Variants in TESPA1 observed in about 807,000 individuals in gnomAD.
TESPA1 encodes thymocyte expressed, positive selection associated 1.
TESPA1 carries 33 observed loss-of-function variants against 57.9 expected under a neutral mutation model. The observed-to-expected ratio is 0.57, with a 90% CI of 0.43 to 0.76. The LOEUF is 0.76. TESPA1 is among the 30% of genes least tolerant of loss of function. The probability of loss-of-function intolerance (pLI) is 0.00; values close to 1 mark genes in which losing one functional copy is unlikely to be tolerated. For synonymous variants in TESPA1, 227 were observed against 228.9 expected, an observed-to-expected ratio of 0.99 and a Z score of 0.07; for missense variants, 618 against 632.9, an observed-to-expected ratio of 0.98 and a Z score of 0.25.
upstream of TESPA1, among the ~76,000 whole-genome samples, chr12:54,984,948 T>C (rs1438035544): frequency 6.6e-6 from 1 of 152,170 alleles, no homozygotes; most frequent in East Asian, 1.9e-4. Context: ...CAGGAGATCT[T>C]TTCCTATTAA....
Position 54,962,742 on chromosome 12 carries a change from G to T in TESPA1, c.1156C>A (p.Pro386Thr). 5 of 1,613,892 alleles carry T rather than the reference G, an allele frequency of 3.1e-6. No homozygotes were observed. The highest frequency in any genetic ancestry group is 4.2e-6 in the Non-Finnish European group (5 of 1,179,874). Residue 386 changes from proline (P) to threonine (T), a missense_variant, in exon 9 of 11, where the codon CCC (proline) becomes ACC (threonine). Transcript: ENST00000449076. ...LAPSQTLDSN[P>T]KVPCCTHSLP... The stretch of plus-strand genomic sequence containing the variant: ...GAATGTGTGCAACAGGGTACCTTGG[G>T]GTTCGAATCCAGAGTTTGGGATGGT...
intron 1 of TESPA1, chr12:54,984,258 G>A (rs1952419455): frequency 6.6e-6 from 1 of 152,090 alleles, no homozygotes. Flanking sequence ...GCAAGACACA[G>A]AGAAGAACTT....
At chr12:54,954,328 GAAATCACA>G (rs544545279) in intron 10 of TESPA1, among the ~76,000 whole-genome samples, 161 of 152,320 alleles carry the variant, frequency 1.1e-3, no homozygotes, top group Admixed American at 8.9e-3. Flanking sequence ...TCAGGTAAAT[GAAATCACA>G]AAATGCAAAA....
chr12:54,969,738 T>C (rs1390990916), intron 3 of TESPA1, among the ~76,000 whole-genome samples: 1 of 152,194 alleles, frequency 6.6e-6, no homozygotes, highest in African/African-American at 2.4e-5. Context: ...TATGACTCTA[T>C]TTCTATAAAG....
intron 1 of TESPA1, among the ~76,000 whole-genome samples, chr12:54,981,115 T>C (rs1210942853): frequency 6.6e-6 from 1 of 152,164 alleles, no homozygotes; most frequent in Non-Finnish European, 1.5e-5. Context: ...AAATAGATAC[T>C]GTGCCAAACT....
In TESPA1 at chr12:54,983,060, T is replaced by A. The variant is rs561816948; in HGVS notation, c.-46+1525A>T. ...CAGGTGGAAATAAACGTGTGATCTTTTCCCCTTACTGTAGCCCAGAAGGAA... is the reference window on the plus strand; with the variant it reads ...CAGGTGGAAATAAACGTGTGATCTTATCCCCTTACTGTAGCCCAGAAGGAA... On this transcript the variant is annotated intron_variant, in intron 1 of 10. Coordinates refer to ENST00000449076, the MANE Select transcript of TESPA1 (RefSeq NM_001136030.3). Among the ~76,000 whole-genome samples the A allele has an allele frequency of 4.6e-5, 7 of 152,318 alleles. No homozygotes were observed. In the East Asian group the frequency reaches 1.4e-3, roughly 29 times the overall value.
intron 2 of TESPA1, 40 bp downstream of exon 2, chr12:54,974,360 G>T (rs200765870): frequency 5.3e-6 from 8 of 1,518,570 alleles, no homozygotes; most frequent in Middle Eastern, 3.5e-4. Context: ...ACCTTTTGCC[G>T]CCAGACAACA....
At chr12:54,980,091 A>G (rs531115779) in intron 1 of TESPA1, among the ~76,000 whole-genome samples, 1 of 152,276 alleles carries the variant, frequency 6.6e-6, no homozygotes, top group East Asian at 1.9e-4. Context: ...TTCCACTGAC[A>G]TTAGAATAAG....
In TESPA1 at chr12:54,949,931, GC is replaced by G. The variant is rs2135993838; in HGVS notation, c.*460del. 5.5e-6 allele frequency: 1 copy of G among 180,988 alleles called. No homozygotes were observed. The highest frequency in any genetic ancestry group is 1.6e-4 in the East Asian group (1 of 6,200). 11.2% of individuals were successfully genotyped at this position (180,988 alleles called of 1,614,324 possible). A position where few individuals can be genotyped will look rare whatever the true frequency, so the allele number is the denominator to read the frequency against. On this transcript the variant is annotated 3_prime_UTR_variant, in exon 11 of 11. Coordinates refer to ENST00000449076, the MANE Select transcript of TESPA1 (RefSeq NM_001136030.3). ...GTGTGAGATGTACCATGCTTTTAGA[GC>G]CAGAAAGTGAGGTGTCCTTCCTCTC... is the stretch of plus-strand genomic sequence containing the variant.
chr12:54,976,420 C>T (rs922944598), intron 1 of TESPA1, among the ~76,000 whole-genome samples: 11 of 152,124 alleles, frequency 7.2e-5, no homozygotes, highest in Non-Finnish European at 1.5e-4. Context: ...ATGGACCTCC[C>T]CTAGATCACT....
rs4758993 is a variant in TESPA1 at position 54,974,461 on chromosome 12, G to A, written c.102C>T (p.Ala34=). 0.24 allele frequency: 392,452 copies of A among 1,607,252 alleles called. 59,339 individuals are homozygous for A. The highest frequency in any genetic ancestry group is 0.71 in the East Asian group (31,768 of 44,602). Residue 34 remains alanine (A), a synonymous_variant, in exon 2 of 11, where the codon GCC becomes GCT. Transcript: ENST00000449076. ...GATCTGGGACATCCTGCAGGGCGGC[G>A]GCAGCCTCCTCTTCTAGGACCTGGG... The part of the protein sequence containing the change: ...WQTQVLEEEA[A]AALQDVPDPE...
rs182227711 is a variant in TESPA1 at position 54,984,114 on chromosome 12, T to G, written c.-46+471A>C. 4.5e-4 allele frequency: 69 copies of G among 152,316 alleles called. 1 individual carries two copies. The highest frequency in any genetic ancestry group is 1.6e-3 in the African/African-American group (66 of 41,568). 9.4% of individuals were successfully genotyped at this position (152,316 alleles called of 1,614,324 possible). A position where few individuals can be genotyped will look rare whatever the true frequency, so the allele number is the denominator to read the frequency against. On this transcript the variant is annotated intron_variant, in intron 1 of 10. Transcript: ENST00000449076. ...AGGTCATACCCACAGAAAGCAAAGTTGATTTCAGCCAGGTACTCTCAATGG... is the reference window on the plus strand; with the variant it reads ...AGGTCATACCCACAGAAAGCAAAGTGGATTTCAGCCAGGTACTCTCAATGG...
At position 54,962,576 on chromosome 12, in the gene TESPA1, C is replaced by A; in HGVS notation, c.1322G>T (p.Ser441Ile). Residue 441 changes from serine (S) to isoleucine (I), a missense_variant, in exon 9 of 11, where the codon AGC becomes ATC. This residue lies in a region of TESPA1 where 409 missense variants were observed against 420.1 expected (regional missense o/e 0.97). Coordinates refer to ENST00000449076, the MANE Select transcript of TESPA1 (RefSeq NM_001136030.3). Reference sequence around the variant, plus strand: ...GCCCATGAGATTCTTCTGGAAGAGGCTCTTTCTTGCTCTGCTCTTTCTTTT... The same window carrying A: ...GCCCATGAGATTCTTCTGGAAGAGGATCTTTCTTGCTCTGCTCTTTCTTTT... Reference protein sequence around the residue: ...FWKRKSRARKSLFQKNLMGRK... With the variant: ...FWKRKSRARKILFQKNLMGRK... 6.2e-7 allele frequency: 1 copy of A among 1,613,956 alleles called. No individual in the cohort carries two copies. The highest frequency in any genetic ancestry group is 1.1e-5 in the South Asian group (1 of 91,064).
intron 10 of TESPA1, among the ~76,000 whole-genome samples, chr12:54,951,032 A>G (rs1950353948): frequency 6.6e-6 from 1 of 151,906 alleles, no homozygotes; most frequent in Non-Finnish European, 1.5e-5. Context: ...CTTGAATCTC[A>G]TCTCATCCCA....
chr12:54,956,738 G>T (rs1037095524), intron 10 of TESPA1, among the ~76,000 whole-genome samples: 4 of 152,164 alleles, frequency 2.6e-5, no homozygotes, highest in East Asian at 3.9e-4. Flanking sequence ...TTAAAGAAAA[G>T]AAATTTATTT....
chr12:54,979,304 G>A (rs1952232909), intron 1 of TESPA1, among the ~76,000 whole-genome samples: 1 of 152,148 alleles, frequency 6.6e-6, no homozygotes, highest in African/African-American at 2.4e-5. Flanking sequence ...TCTTGATGCT[G>A]CTTATAGTAT....
At chr12:54,951,018 G>A (rs1592287730) in intron 10 of TESPA1, among the ~76,000 whole-genome samples, 1 of 151,750 alleles carries the variant, frequency 6.6e-6, no homozygotes, top group Non-Finnish European at 1.5e-5. Flanking sequence ...CCCTCCAAAA[G>A]TGCCTTGAAT....
At chr12:54,970,179 C>A (rs1951743022) in intron 3 of TESPA1, among the ~76,000 whole-genome samples, 1 of 152,160 alleles carries the variant, frequency 6.6e-6, no homozygotes, top group Non-Finnish European at 1.5e-5. Flanking sequence ...CTCAAGCAAT[C>A]CTCCTGCCTT....
chr12:54,967,753 G>A lies in TESPA1; in HGVS notation c.256+90C>T. 3 of 1,465,258 alleles carry A rather than the reference G, an allele frequency of 2.0e-6. No homozygotes were observed. In the Middle Eastern group the frequency reaches 5.2e-4, roughly 256 times the overall value. 90.8% of individuals were successfully genotyped at this position (1,465,258 alleles called of 1,614,324 possible). ...GGGACTCTTTTGCATGCCTATGCATGTATATGTGCATAAACACTCACATAC... is the reference window on the plus strand; with the variant it reads ...GGGACTCTTTTGCATGCCTATGCATATATATGTGCATAAACACTCACATAC... On this transcript the variant is annotated intron_variant, in intron 4 of 10. Transcript: ENST00000449076.
Sources: allele counts gnomAD v4.1 joint callset (sites outside exome capture counted in the v4.1 genomes callset), GRCh38; gene constraint gnomAD v4.1.1; regional missense constraint gnomAD v4.1.1; transcripts MANE v1.5; gene names NCBI Gene and HGNC (gene_info 2026-07-23, HGNC 2026-07-21).